Variants in VEPH1 observed in about 807,000 individuals in gnomAD.
VEPH1 encodes ventricular zone expressed PH domain containing 1, also known as ventricular zone-expressed PH domain-containing protein homolog 1.
A neutral mutation model predicts 85.2 loss-of-function variants in VEPH1; 80 were observed. That is an observed-to-expected ratio of 0.94 (90% confidence interval 0.78 to 1.13). The LOEUF (loss-of-function observed/expected upper bound fraction) is 1.13. Ranked by LOEUF, VEPH1 falls within the 50% of genes most tolerant of loss-of-function variation. VEPH1 has a pLI of 0.00. For synonymous variants in VEPH1, 297 were observed against 348.0 expected (o/e 0.85, Z 1.63); for missense variants, 955 against 980.5 (o/e 0.97, Z 0.35).
chr3:157,447,752 G>A (rs750104965), intron 4 of VEPH1, among the ~76,000 whole-genome samples: 38 of 151,882 alleles, frequency 2.5e-4, no homozygotes, highest in Non-Finnish European at 5.4e-4. Context: ...GTGCCACCAC[G>A]CCTGGCTAAT....
chr3:157,360,435 G>T (rs1431616600), intron 9 of VEPH1, among the ~76,000 whole-genome samples: 3 of 151,916 alleles, frequency 2.0e-5, no homozygotes, highest in Non-Finnish European at 4.4e-5. Flanking sequence ...TCAAAAGAAA[G>T]TATTCTTTTT....
intron 11 of VEPH1, among the ~76,000 whole-genome samples, chr3:157,302,918 A>G (rs1718983897): frequency 1.4e-5 from 1 of 69,778 alleles, no homozygotes. Flanking sequence ...TACAGGAGGA[A>G]GAAAATATAA....
chr3:157,389,222 C>T (rs188098142), intron 6 of VEPH1, among the ~76,000 whole-genome samples: 1 of 152,194 alleles, frequency 6.6e-6, no homozygotes, highest in Admixed American at 6.5e-5. Context: ...AAAACTTATC[C>T]AACATATGTA....
At chr3:157,472,650 T>A (rs1417641273) in intron 2 of VEPH1, among the ~76,000 whole-genome samples, 1 of 152,184 alleles carries the variant, frequency 6.6e-6, no homozygotes, top group African/African-American at 2.4e-5. Context: ...TCGTTATTTT[T>A]TCTGATTCTC....
intron 6 of VEPH1, among the ~76,000 whole-genome samples, chr3:157,393,392 A>C (rs976777887): frequency 6.6e-6 from 1 of 152,234 alleles, no homozygotes; most frequent in Non-Finnish European, 1.5e-5. Context: ...ACAATGAAAA[A>C]ATAATTGTAA....
In VEPH1 at chr3:157,322,663, C is replaced by T. The variant is rs1464039285; in HGVS notation, c.1736-5462G>A. 3.3e-5 allele frequency among the ~76,000 whole-genome samples: 5 copies of T among 152,140 alleles called. No homozygotes were observed. The East Asian group carries it at 9.6e-4, about 29-fold the overall frequency. On this transcript the variant is annotated intron_variant, in intron 9 of 13. Transcript: ENST00000362010. ...GGACATTTGCTCAGGGCTATGAGGG[C>T]TTGCACTTGGCACTCACGACAAGCT...
intron 12 of VEPH1, among the ~76,000 whole-genome samples, chr3:157,273,879 G>C (rs1013201725): frequency 6.6e-6 from 1 of 152,184 alleles, no homozygotes; most frequent in African/African-American, 2.4e-5. Context: ...TAACCAGTGT[G>C]CTGAATGCCA....
chr3:157,378,772 C>T (rs972915591), intron 7 of VEPH1, among the ~76,000 whole-genome samples: 18 of 152,110 alleles, frequency 1.2e-4, no homozygotes, highest in East Asian at 5.8e-4. Context: ...TTCCCTCCTG[C>T]GAACTCCTTT....
intron 6 of VEPH1, among the ~76,000 whole-genome samples, chr3:157,391,599 A>C (rs1054268467): frequency 3.9e-5 from 6 of 152,232 alleles, no homozygotes; most frequent in Non-Finnish European, 5.9e-5. Context: ...GGATTATGTA[A>C]AGTGACATAC....
At chr3:157,485,462 T>G (rs957723037) in intron 2 of VEPH1, among the ~76,000 whole-genome samples, 3 of 152,132 alleles carry the variant, frequency 2.0e-5, no homozygotes, top group Non-Finnish European at 4.4e-5. Context: ...ATCATCAGTA[T>G]GTTTGCTAAA....
At chr3:157,424,780 T>G (rs1367846113) in intron 5 of VEPH1, among the ~76,000 whole-genome samples, 1 of 152,206 alleles carries the variant, frequency 6.6e-6, no homozygotes, top group South Asian at 2.1e-4. Context: ...ACTTGGGTGC[T>G]GTTAAGGACA....
intron 5 of VEPH1, among the ~76,000 whole-genome samples, chr3:157,427,615 C>G (rs1732850822): frequency 6.6e-6 from 1 of 152,016 alleles, no homozygotes; most frequent in South Asian, 2.1e-4. Flanking sequence ...CCTCCATGCC[C>G]TGCTAATTTT....
intron 12 of VEPH1, among the ~76,000 whole-genome samples, chr3:157,281,325 G>A (rs576428572): frequency 7.4e-4 from 113 of 152,228 alleles, no homozygotes; most frequent in Non-Finnish European, 1.2e-3. Flanking sequence ...CAAAGTATCT[G>A]AACAAAAAGC....
At chr3:157,286,788 T>G in intron 11 of VEPH1, 114 bp from the exon 12 acceptor site, 1 of 837,722 alleles carries the variant, frequency 1.2e-6, no homozygotes, top group South Asian at 1.6e-5. Flanking sequence ...ATCTCAGTAC[T>G]AAAGACTAAG....
At chr3:157,356,101 A>G (rs1038286275) in intron 9 of VEPH1, among the ~76,000 whole-genome samples, 1 of 152,144 alleles carries the variant, frequency 6.6e-6, no homozygotes, top group South Asian at 2.1e-4. Context: ...GTTTCACCAT[A>G]CTGCCCAGGC....
rs1735145646 is a variant in VEPH1, at chr3:157,453,670, T to A, written c.529+6511A>T. On this transcript the variant is annotated intron_variant, in intron 4 of 13. Transcript: ENST00000362010. ...ATAAGTAATGAAAAAAGAAACCCCA[T>A]GATGACTCCTCAGGCTGTCTGGTAG... Among the ~76,000 whole-genome samples the A allele has an allele frequency of 2.6e-5, 4 of 152,254 alleles. No homozygotes were observed. In the South Asian group the frequency reaches 8.3e-4, roughly 32 times the overall value.
intron 12 of VEPH1, among the ~76,000 whole-genome samples, chr3:157,270,389 A>C (rs772681378): frequency 2.0e-5 from 3 of 152,210 alleles, no homozygotes; most frequent in Non-Finnish European, 2.9e-5. Flanking sequence ...TCAACTGGCT[A>C]TAAAAGCTAT....
intron 11 of VEPH1, among the ~76,000 whole-genome samples, chr3:157,312,620 CAA>C (rs1720225182): frequency 2.0e-5 from 3 of 152,198 alleles, no homozygotes; most frequent in Admixed American, 6.5e-5. Context: ...GTTAGCCAAA[CAA>C]TGCACCTGGA....
intron 11 of VEPH1, among the ~76,000 whole-genome samples, chr3:157,295,426 T>C (rs547318878): frequency 6.6e-6 from 1 of 151,452 alleles, no homozygotes; most frequent in Admixed American, 6.6e-5. Flanking sequence ...AGCAAGACCC[T>C]GTCTTGAAAA....
Sources: allele counts gnomAD v4.1 joint callset (sites outside exome capture counted in the v4.1 genomes callset), GRCh38; gene constraint gnomAD v4.1.1; transcripts MANE v1.5; gene names NCBI Gene and HGNC (gene_info 2026-07-23, HGNC 2026-07-21).